Variants in KDR observed in about 807,000 individuals in gnomAD.
KDR encodes the protein vascular endothelial growth factor receptor 2.
In KDR, 43 loss-of-function variants were observed where a neutral mutation model predicts 160.9. The ratio of observed to expected loss-of-function variants is 0.27; its 90% confidence interval spans 0.21 to 0.34. The LOEUF (loss-of-function observed/expected upper bound fraction) is 0.34. KDR is among the 10% of genes least tolerant of loss of function. The pLI, the probability that KDR is intolerant of heterozygous loss-of-function variation, is 1.00. For missense variants in KDR, 1,469 were observed against 1,666.4 expected, an observed-to-expected ratio of 0.88 and a Z score of 2.06; for synonymous variants, 617 against 600.1, an observed-to-expected ratio of 1.03 and a Z score of -0.41.
intron 10 of KDR, 57 bp downstream of exon 10, chr4:55,107,680 C>G (rs764687994): frequency 1.3e-5 from 21 of 1,610,226 alleles, no homozygotes; most frequent in East Asian, 8.9e-5. Context: ...CATATCATAG[C>G]TCAGCTGTAA....
In KDR at chr4:55,097,675, G is replaced by T; in HGVS notation, c.2601C>A (p.Val867=). The change falls in exon 18 of 30, where the codon GTC becomes GTA. Residue 867 remains valine (V), a synonymous_variant. Transcript: ENST00000263923. ...TTTTGCTTTTACCTTTCAACATTTT[G>T]ACTGCTACTGTCCTGCAAGTTGCTG... ...DKTATCRTVA[V]KMLKEGATHS... 2 of 1,611,530 alleles carry T rather than the reference G, an allele frequency of 1.2e-6. No individual in the cohort carries two copies. Among genetic ancestry groups the T allele is most frequent in the South Asian group, 2.2e-5 (2 of 90,938 alleles).
At chr4:55,102,068 T>C (rs372141761) in intron 14 of KDR, 40 bp from the exon 15 acceptor site, 6 of 1,612,932 alleles carry the variant, frequency 3.7e-6, no homozygotes, top group Non-Finnish European at 5.1e-6. Flanking sequence ...TTTATGATGA[T>C]GTAGTCTGTG....
At chr4:55,121,738 C>T (rs941103517) in intron 1 of KDR, among the ~76,000 whole-genome samples, 1 of 152,102 alleles carries the variant, frequency 6.6e-6, no homozygotes, top group Admixed American at 6.5e-5. Flanking sequence ...GAAATAATGG[C>T]TCATAAAGAC....
At chr4:55,096,110 A>T in intron 19 of KDR, 119 bp downstream of exon 19, 1 of 675,960 alleles carries the variant, frequency 1.5e-6, no homozygotes, top group Non-Finnish European at 2.7e-6. Flanking sequence ...TATTCCTAGG[A>T]ATCCGCAAAG....
In KDR at chr4:55,085,927, G is replaced by A. The variant is rs186516541; in HGVS notation, c.3662+1680C>T. Among the ~76,000 whole-genome samples the A allele has an allele frequency of 1.2e-4, 18 of 152,256 alleles. No individual in the cohort carries two copies. The East Asian group carries it at 2.7e-3, about 23-fold the overall frequency. On this transcript the variant is annotated intron_variant, in intron 27 of 29. Coordinates refer to ENST00000263923, the MANE Select transcript of KDR (RefSeq NM_002253.4). ...GCTCAGCACCATATGCAAAGCACCCGGTGAGCCAGGAGGCTGCCGACTCGG... is the reference window on the plus strand; with the variant it reads ...GCTCAGCACCATATGCAAAGCACCCAGTGAGCCAGGAGGCTGCCGACTCGG...
intron 27 of KDR, among the ~76,000 whole-genome samples, chr4:55,085,259 T>G (rs2083715155): frequency 6.6e-6 from 1 of 152,206 alleles, no homozygotes; most frequent in Non-Finnish European, 1.5e-5. Context: ...AAGCTAAGTC[T>G]AGACATGAGT....
chr4:55,086,061 A>G (rs1261691254), intron 27 of KDR, among the ~76,000 whole-genome samples: 1 of 152,210 alleles, frequency 6.6e-6, no homozygotes, highest in Non-Finnish European at 1.5e-5. Flanking sequence ...CTGTCACACT[A>G]AAAGGCCAGC....
chr4:55,096,203 G>T, intron 19 of KDR, 26 bp downstream of exon 19: 1 of 1,422,534 alleles, frequency 7.0e-7, no homozygotes, highest in Non-Finnish European at 9.9e-7. Context: ...AAAATTGGGT[G>T]ACCAAAACCA....
chr4:55,121,591 T>G (rs180976319), intron 1 of KDR, among the ~76,000 whole-genome samples: 4 of 152,350 alleles, frequency 2.6e-5, no homozygotes, highest in African/African-American at 9.6e-5. Context: ...AATTGCTGAT[T>G]AACGAATCCC....
chr4:55,079,882 A>C lies in KDR; in HGVS notation c.*59T>G. On this transcript the variant is annotated 3_prime_UTR_variant, in exon 30 of 30. Transcript: ENST00000263923. ...CTGCTGGTGGAAAGAACAACACTTG[A>C]AAATCTGAGCAGCACCTCTCATGTG... 2.1e-6 allele frequency: 3 copies of C among 1,444,340 alleles called. No homozygotes were observed. The highest frequency in any genetic ancestry group is 1.1e-5 in the South Asian group (1 of 87,784). 89.5% of individuals were successfully genotyped at this position (1,444,340 alleles called of 1,614,324 possible).
chr4:55,117,029 C>G (rs145982513), intron 3 of KDR, among the ~76,000 whole-genome samples: 24 of 152,304 alleles, frequency 1.6e-4, no homozygotes, highest in African/African-American at 5.1e-4. Context: ...ATTGCCACTT[C>G]TTAATATTGC....
chr4:55,112,857 G>A (rs2110029859), intron 7 of KDR, among the ~76,000 whole-genome samples: 2 of 152,254 alleles, frequency 1.3e-5, no homozygotes, highest in Middle Eastern at 6.8e-3. Flanking sequence ...CTGCAGAGGA[G>A]GGAAAGTTAG....
chr4:55,096,482 T>C, intron 18 of KDR, 140 bp from the exon 19 acceptor site: 1 of 648,970 alleles, frequency 1.5e-6, no homozygotes, highest in Non-Finnish European at 2.8e-6. Flanking sequence ...ACCACATGCA[T>C]TTCCTCAAAA....
At chr4:55,107,955 A>AT in intron 9 of KDR, 62 bp from the exon 10 acceptor site, 1 of 1,583,780 alleles carries the variant, frequency 6.3e-7, no homozygotes, top group Non-Finnish European at 8.7e-7. Flanking sequence ...GAAATAGAGG[A>AT]TTTTAGCAAC....
intron 27 of KDR, among the ~76,000 whole-genome samples, chr4:55,087,014 G>A (rs1719881946): frequency 6.6e-6 from 1 of 152,216 alleles, no homozygotes; most frequent in African/African-American, 2.4e-5. Flanking sequence ...AAAGAAAGCT[G>A]CCTTTAGAAC....
chr4:55,106,753 G>C lies in KDR; in HGVS notation c.1470C>G (p.Asp490Glu), dbSNP rs1171958274. 6.3e-7 allele frequency: 1 copy of C among 1,594,806 alleles called. No individual in the cohort carries two copies. Among genetic ancestry groups the C allele is most frequent in the African/African-American group, 1.3e-5 (1 of 74,560 alleles). ...YPCEEWRSVEDFQGGNKIEVN... is the reference protein window; with the variant it reads ...YPCEEWRSVEEFQGGNKIEVN... The stretch of plus-strand genomic sequence containing the variant: ...CTTCAATTTTATTTCCTCCCTGGAA[G>C]TCCTCCACACTTCTCCATTCTTCAC... The change falls in exon 11 of 30, where the codon GAC becomes GAG. Residue 490 changes from aspartate to glutamate, a missense_variant. Asp to Glu is a conservative substitution (Grantham distance 45, BLOSUM62 2). This residue lies in a region of KDR where 792 missense variants were observed against 840.9 expected (regional missense o/e 0.94). Transcript: ENST00000263923.
Position 55,125,336 on chromosome 4 carries a change from G to T in KDR, c.-43C>A. 2 of 1,580,336 alleles carry T rather than the reference G, an allele frequency of 1.3e-6. No individual in the cohort carries two copies. Among genetic ancestry groups the T allele is most frequent in the Non-Finnish European group, 8.6e-7 (1 of 1,162,924 alleles). On this transcript the variant is annotated 5_prime_UTR_variant, in exon 1 of 30. Coordinates refer to ENST00000263923, the MANE Select transcript of KDR (RefSeq NM_002253.4). The stretch of plus-strand genomic sequence containing the variant: ...GCGAAATGCCCAGAACTCGGGAGCC[G>T]GTTCTTTCTCCCAGCGCCTGTCTAG...
At position 55,102,381 on chromosome 4, in the gene KDR, C is replaced by G. The variant is rs759270473; in HGVS notation, c.2115G>C (p.Glu705Asp). The G allele has an allele frequency of 1.2e-6, 2 of 1,613,706 alleles. No individual in the cohort carries two copies. The highest frequency in any genetic ancestry group is 1.1e-5 in the South Asian group (1 of 91,068). ...PPQIMWFKDN[E>D]TLVEDSGIVL... ...ATTTACCTGAGTCTTCTACAAGGGT[C>G]TCATTATCTTTAAACCACATGATCT... The change falls in exon 14 of 30, where the codon GAG becomes GAC. Residue 705 changes from glutamate to aspartate, a missense_variant. Transcript: ENST00000263923.
intron 6 of KDR, 123 bp downstream of exon 6, chr4:55,114,003 A>ATGTG: frequency 1.1e-6 from 1 of 927,922 alleles, no homozygotes; most frequent in South Asian, 1.3e-5. Flanking sequence ...GTGGGTGTGT[A>ATGTG]TGTGTGTGTG....
Sources: gnomAD v4.1 joint callset for allele counts (sites outside exome capture counted in the v4.1 genomes callset) on GRCh38, gnomAD v4.1.1 for gene constraint, gnomAD v4.1.1 regional missense constraint, MANE v1.5 for transcripts, NCBI Gene and HGNC (gene_info 2026-07-23, HGNC 2026-07-21) for gene names.